Variants in PIP5K1C observed in about 807,000 individuals in gnomAD.
PIP5K1C encodes the protein phosphatidylinositol 4-phosphate 5-kinase type-1 gamma.
In PIP5K1C, 45 loss-of-function variants were observed where a neutral mutation model predicts 80.1. The observed-to-expected ratio is 0.56, with a 90% CI of 0.44 to 0.72. The LOEUF (loss-of-function observed/expected upper bound fraction) is 0.72. PIP5K1C is among the 30% of genes least tolerant of loss of function. The pLI is 0.00. For missense variants in PIP5K1C, 753 were observed against 954.6 expected (o/e 0.79, Z 2.78); for synonymous variants, 498 against 420.1 (o/e 1.19, Z -2.27).
intron 1 of PIP5K1C, among the ~76,000 whole-genome samples, chr19:3,673,589 G>A (rs1424326977): frequency 1.3e-5 from 2 of 152,214 alleles, no homozygotes; most frequent in Non-Finnish European, 2.9e-5. Flanking sequence ...GACAGGTGCA[G>A]GCTCGCCGTG....
chr19:3,682,737 G>T (rs145155733), intron 1 of PIP5K1C, among the ~76,000 whole-genome samples: 5,289 of 152,160 alleles, frequency 0.035, 140 homozygotes, highest in Non-Finnish European at 0.05. Flanking sequence ...TCTCTTGGAA[G>T]CGGCTCCTCC....
intron 4 of PIP5K1C, among the ~76,000 whole-genome samples, chr19:3,661,630 A>G (rs2034834991): frequency 6.6e-6 from 1 of 152,276 alleles, no homozygotes. Flanking sequence ...TTATTTGTAG[A>G]TTAGAAAAGA....
At chr19:3,668,777 A>AG (rs796512677) in intron 1 of PIP5K1C, among the ~76,000 whole-genome samples, 7 of 152,132 alleles carry the variant, frequency 4.6e-5, no homozygotes, top group African/African-American at 7.2e-5. Flanking sequence ...CGGATCAGCA[A>AG]GGGGGGGCTT....
chr19:3,642,989 T>G, intron 13 of PIP5K1C, 50 bp from the exon 14 acceptor site: 1 of 1,605,254 alleles, frequency 6.2e-7, no homozygotes, highest in South Asian at 1.1e-5. Context: ...GTGGCCCGCC[T>G]GCTCAGTCTA....
intron 3 of PIP5K1C, among the ~76,000 whole-genome samples, chr19:3,663,905 C>T (rs2034920726): frequency 6.6e-6 from 1 of 152,224 alleles, no homozygotes; most frequent in Non-Finnish European, 1.5e-5. Context: ...CATGTATCCA[C>T]ACAGACTCAC....
intron 1 of PIP5K1C, among the ~76,000 whole-genome samples, chr19:3,686,828 T>C (rs2035776569): frequency 6.6e-6 from 1 of 152,048 alleles, no homozygotes; most frequent in African/African-American, 2.4e-5. Context: ...AATGGGGTAA[T>C]AAATCTTTGT....
chr19:3,672,416 G>GGCCT (rs1317179478), intron 1 of PIP5K1C, among the ~76,000 whole-genome samples: 2 of 152,248 alleles, frequency 1.3e-5, no homozygotes, highest in African/African-American at 4.8e-5. Context: ...CTCAGGACGG[G>GGCCT]GCCTGCCCTG....
intron 1 of PIP5K1C, among the ~76,000 whole-genome samples, chr19:3,695,025 T>C (rs751598712): frequency 6.6e-6 from 1 of 152,222 alleles, no homozygotes; most frequent in Non-Finnish European, 1.5e-5. Flanking sequence ...GAACAAATGG[T>C]GTGGCCGTTG....
chr19:3,696,791 C>T lies in PIP5K1C; in HGVS notation c.94+3506G>A, dbSNP rs1251992632. On this transcript the variant is annotated intron_variant, in intron 1 of 17. Coordinates refer to ENST00000335312, the MANE Select transcript of PIP5K1C (RefSeq NM_012398.3). This position sits in a 1 kb window ranked among gnomAD's most constrained non-coding sequence, Gnocchi z 4.1. Reference sequence around the variant, plus strand: ...GGCAGGCTGTGCAGGGCCTGATGGGCTTCAAAGAGGACTATGTCTTTGACC... The same window carrying T: ...GGCAGGCTGTGCAGGGCCTGATGGGTTTCAAAGAGGACTATGTCTTTGACC... Among the ~76,000 whole-genome samples the T allele has an allele frequency of 6.6e-6, 1 of 152,036 alleles. No homozygotes were observed. The highest frequency in any genetic ancestry group is 1.5e-5 in the Non-Finnish European group (1 of 67,992).
intron 8 of PIP5K1C, chr19:3,650,028 A>G (rs1200351236): frequency 1.2e-5 from 2 of 172,696 alleles, no homozygotes; most frequent in Non-Finnish European, 2.5e-5. Flanking sequence ...AAGACCCTAC[A>G]AACGCCAGGA....
At chr19:3,680,315 T>C (rs1048724612) in intron 1 of PIP5K1C, among the ~76,000 whole-genome samples, 2 of 152,300 alleles carry the variant, frequency 1.3e-5, no homozygotes, top group Middle Eastern at 3.4e-3. Context: ...TCTTTTCTTT[T>C]TTCTTTTGAG....
At chr19:3,633,734 G>A (rs781414467) in intron 16 of PIP5K1C, among the ~76,000 whole-genome samples, 10 of 152,126 alleles carry the variant, frequency 6.6e-5, no homozygotes, top group South Asian at 2.1e-4. Context: ...TTGGCGGGGC[G>A]GGGCACGGCG....
chr19:3,693,182 T>C (rs934105865), intron 1 of PIP5K1C, among the ~76,000 whole-genome samples: 2 of 152,080 alleles, frequency 1.3e-5, no homozygotes, highest in Admixed American at 6.5e-5. Flanking sequence ...AAAGCACACG[T>C]AGACGATGCC....
rs531318535 is a variant in PIP5K1C, at chr19:3,698,817, G to A, written c.94+1480C>T. Among the ~76,000 whole-genome samples the A allele has an allele frequency of 2.6e-5, 4 of 152,214 alleles. No homozygotes were observed. In the South Asian group the frequency reaches 6.2e-4, roughly 24 times the overall value. ...AGGAGGGATGGCGTTGGAGGAGTGA[G>A]GCAACTCTGAATTTTAAACATTCAG... On this transcript the variant is annotated intron_variant, in intron 1 of 17. Coordinates refer to ENST00000335312, the MANE Select transcript of PIP5K1C (RefSeq NM_012398.3).
chr19:3,646,277 G>C (rs1425769689), intron 10 of PIP5K1C, among the ~76,000 whole-genome samples: 1 of 152,174 alleles, frequency 6.6e-6, no homozygotes, highest in African/African-American at 2.4e-5. Context: ...ATGGGTGGAG[G>C]CTTTTCCACT....
At chr19:3,691,604 G>A (rs1019960610) in intron 1 of PIP5K1C, among the ~76,000 whole-genome samples, 7 of 152,160 alleles carry the variant, frequency 4.6e-5, no homozygotes, top group African/African-American at 1.7e-4. Flanking sequence ...ACCCCGCCTG[G>A]CCCGTCCCTT....
intron 1 of PIP5K1C, among the ~76,000 whole-genome samples, chr19:3,680,808 C>G (rs2035568172): frequency 6.6e-6 from 1 of 152,140 alleles, no homozygotes; most frequent in South Asian, 2.1e-4. Context: ...GAGCGTGGCC[C>G]TGGGGGTGGA....
At chr19:3,693,280 G>A (rs55909313) in intron 1 of PIP5K1C, among the ~76,000 whole-genome samples, 22,836 of 152,138 alleles carry the variant, frequency 0.15, 1,815 homozygotes, top group Non-Finnish European at 0.17. Flanking sequence ...GAGAGCGGCC[G>A]GGCAGGGTGC....
At chr19:3,698,578 C>T (rs1425821062) in intron 1 of PIP5K1C, among the ~76,000 whole-genome samples, 1 of 152,254 alleles carries the variant, frequency 6.6e-6, no homozygotes, top group East Asian at 1.9e-4. Context: ...TCACTTGTGG[C>T]TGTCACAACT....
Sources: gnomAD v4.1 joint callset for allele counts (sites outside exome capture counted in the v4.1 genomes callset) on GRCh38, gnomAD v4.1.1 for gene constraint, Gnocchi (gnomAD v3.1) non-coding constraint, MANE v1.5 for transcripts, NCBI Gene and HGNC (gene_info 2026-07-23, HGNC 2026-07-21) for gene names.